CADM2: variants seen among roughly 807,000 people sequenced by gnomAD.
CADM2 encodes immunoglobulin superfamily member 4D.
A neutral mutation model predicts 49.8 loss-of-function variants in CADM2; 12 were observed. The ratio of observed to expected loss-of-function variants is 0.24; its 90% CI spans 0.15 to 0.39. The LOEUF (loss-of-function observed/expected upper bound fraction) is 0.39. Ranked by LOEUF, CADM2 falls within the 10% of genes least tolerant of loss-of-function variation. The probability of loss-of-function intolerance (pLI) is 1.00; values close to 1 mark genes in which losing one functional copy is unlikely to be tolerated. For missense variants in CADM2, 378 were observed against 492.3 expected (o/e 0.77, Z 2.20); for synonymous variants, 214 against 175.4 (o/e 1.22, Z -1.74).
intron 1 of CADM2, among the ~76,000 whole-genome samples, chr3:85,262,617 A>G (rs893078666): frequency 1.7e-4 from 26 of 152,144 alleles, no homozygotes; most frequent in African/African-American, 6.3e-4. Context: ...ATTAAGCAAT[A>G]TTATCTGACT....
intron 8 of CADM2, among the ~76,000 whole-genome samples, chr3:85,969,963 G>A (rs60194905): frequency 2.3e-5 from 2 of 86,012 alleles, no homozygotes; most frequent in African/African-American, 1.5e-4. Flanking sequence ...TTGTGTGTGT[G>A]TGTGTGAGTG....
chr3:85,987,489 A>G (rs1329767188), intron 8 of CADM2, among the ~76,000 whole-genome samples: 1 of 150,840 alleles, frequency 6.6e-6, no homozygotes. Flanking sequence ...ATCTAACAGT[A>G]TATATGTTTT....
intron 1 of CADM2, among the ~76,000 whole-genome samples, chr3:85,419,336 T>C (rs1195297023): frequency 1.3e-5 from 2 of 152,030 alleles, no homozygotes; most frequent in African/African-American, 2.4e-5. Flanking sequence ...CGGGCGCCTA[T>C]AGTCCCAGCT....
At chr3:85,212,896 C>CTTTCTTTCTTTCTTTCTTTT (rs1559723958) in intron 1 of CADM2, among the ~76,000 whole-genome samples, 4 of 117,904 alleles carry the variant, frequency 3.4e-5, no homozygotes, top group African/African-American at 1.7e-4. Flanking sequence ...CTCTTTCTTT[C>CTTTCTTTCTTTCTTTCTTTT]TTTTAATGGA....
intron 3 of CADM2, among the ~76,000 whole-genome samples, chr3:85,826,625 G>C (rs2108211097): frequency 6.6e-6 from 1 of 151,994 alleles, no homozygotes; most frequent in South Asian, 2.1e-4. Context: ...GGGAAATGAA[G>C]GATAAGGGTT....
intron 1 of CADM2, among the ~76,000 whole-genome samples, chr3:85,653,140 T>C (rs1452910984): frequency 1.3e-5 from 2 of 151,618 alleles, no homozygotes; most frequent in African/African-American, 2.4e-5. Flanking sequence ...AGATTCTGCA[T>C]GTTTAACAAT....
chr3:85,490,907 A>C (rs2039643525), intron 1 of CADM2, among the ~76,000 whole-genome samples: 1 of 152,128 alleles, frequency 6.6e-6, no homozygotes, highest in African/African-American at 2.4e-5. Flanking sequence ...ATAAAAAATA[A>C]GAAGAAGAAA....
chr3:85,994,989 G>A (rs1729192372), intron 8 of CADM2, among the ~76,000 whole-genome samples: 1 of 120,816 alleles, frequency 8.3e-6, no homozygotes, highest in South Asian at 2.7e-4. Flanking sequence ...GGTCAATGCA[G>A]GGTTGCCACA....
intron 1 of CADM2, among the ~76,000 whole-genome samples, chr3:85,268,773 G>C (rs1345765098): frequency 2.0e-5 from 3 of 151,202 alleles, no homozygotes; most frequent in African/African-American, 7.3e-5. Flanking sequence ...AGAATTACTT[G>C]CCATCATGAA....
chr3:85,822,336 C>A (rs1169932604), intron 3 of CADM2, among the ~76,000 whole-genome samples: 3 of 152,102 alleles, frequency 2.0e-5, no homozygotes, highest in African/African-American at 7.2e-5. Flanking sequence ...GTAAACCCAG[C>A]ACTTTGGGAG....
intron 1 of CADM2, among the ~76,000 whole-genome samples, chr3:85,253,225 T>C (rs1354586148): frequency 6.6e-6 from 1 of 152,068 alleles, no homozygotes; most frequent in Non-Finnish European, 1.5e-5. Context: ...AGATATACAA[T>C]AGATGCATGA....
intron 1 of CADM2, among the ~76,000 whole-genome samples, chr3:85,059,744 A>C (rs1307098078): frequency 6.6e-6 from 1 of 152,142 alleles, no homozygotes; most frequent in Admixed American, 6.6e-5. Context: ...ACCATGTGAG[A>C]CATGTTTTTC....
intron 1 of CADM2, among the ~76,000 whole-genome samples, chr3:85,683,731 G>T (rs1254914523): frequency 6.6e-6 from 1 of 152,140 alleles, no homozygotes; most frequent in Non-Finnish European, 1.5e-5. Context: ...TTTTATACTT[G>T]CAGTTGTGCT....
chr3:85,801,917 A>G, intron 2 of CADM2, 130 bp from the exon 3 acceptor site: 1 of 682,282 alleles, frequency 1.5e-6, no homozygotes, highest in Non-Finnish European at 2.3e-6. Context: ...CTTTTGTAAT[A>G]TACAGTTTTG....
chr3:85,247,646 G>A (rs904131071), intron 1 of CADM2, among the ~76,000 whole-genome samples: 1 of 152,132 alleles, frequency 6.6e-6, no homozygotes, highest in South Asian at 2.1e-4. Flanking sequence ...TTTAGGAGCT[G>A]CGAATTGACT....
At chr3:85,106,196 A>G (rs2038217674) in intron 1 of CADM2, among the ~76,000 whole-genome samples, 1 of 152,194 alleles carries the variant, frequency 6.6e-6, no homozygotes, top group Non-Finnish European at 1.5e-5. Flanking sequence ...GGGAATGGAG[A>G]GCAGAGGTAA....
intron 3 of CADM2, among the ~76,000 whole-genome samples, chr3:85,842,972 T>G (rs1559695574): frequency 6.6e-6 from 1 of 152,090 alleles, no homozygotes; most frequent in Non-Finnish European, 1.5e-5. Context: ...AACTGCCAGT[T>G]ACAGGTAAAA....
chr3:85,568,269 G>A (rs1302213515), intron 1 of CADM2, among the ~76,000 whole-genome samples: 3 of 152,118 alleles, frequency 2.0e-5, no homozygotes, highest in African/African-American at 7.2e-5. Flanking sequence ...TGGTACACAA[G>A]AAATGCAAGA....
At chr3:85,136,649 A>T (rs1052565449) in intron 1 of CADM2, among the ~76,000 whole-genome samples, 1 of 151,986 alleles carries the variant, frequency 6.6e-6, no homozygotes, top group South Asian at 2.1e-4. Flanking sequence ...TCACTTTACA[A>T]TCTAACTGCA....
Sources: allele counts gnomAD v4.1 joint callset (sites outside exome capture counted in the v4.1 genomes callset), GRCh38; gene constraint gnomAD v4.1.1; transcripts MANE v1.5; gene names NCBI Gene and HGNC (gene_info 2026-07-23, HGNC 2026-07-21).